The following ENO3 variants were observed in gnomAD, a reference collection of about 807,000 sequenced individuals.
ENO3 encodes enolase 3, also known as beta-enolase.
In ENO3, 46 loss-of-function variants were observed where a neutral mutation model predicts 47.7. The observed-to-expected ratio is 0.96, with a 90% confidence interval of 0.76 to 1.23. The LOEUF is 1.23. ENO3 is among the 50% of genes most tolerant of loss of function. The probability of loss-of-function intolerance (pLI) is 0.00; values close to 1 mark genes in which losing one functional copy is unlikely to be tolerated. For missense variants in ENO3, 575 were observed against 566.2 expected (o/e 1.02, Z -0.16); for synonymous variants, 223 against 225.9 (o/e 0.99, Z 0.11).
chr17:4,953,130 G>A (rs749942573), intron 4 of ENO3, 21 bp downstream of exon 4: 41 of 1,614,020 alleles, frequency 2.5e-5, no homozygotes, highest in Non-Finnish European at 3.3e-5. Flanking sequence ...AAGCCCGCTC[G>A]CTGCAGCCTC....
At chr17:4,955,699 C>A in intron 8 of ENO3, 95 bp downstream of exon 8, 1 of 1,543,372 alleles carries the variant, frequency 6.5e-7, no homozygotes, top group Non-Finnish European at 9.0e-7. Flanking sequence ...CGACTTGGAT[C>A]CTTCCAATTC....
At position 4,954,956 on chromosome 17, in the gene ENO3, C is replaced by T. The variant is rs1263327715; in HGVS notation, c.445-119C>T. ...GAGGCTCTTGAGCAAAACTACTCAT[C>T]CTAGACCACTGAGCTAGTAAGTAGG... On this transcript the variant is annotated intron_variant, in intron 6 of 11. Coordinates refer to ENST00000519602, the MANE Select transcript of ENO3 (RefSeq NM_053013.4). 1.1e-5 allele frequency: 9 copies of T among 813,298 alleles called. No individual in the cohort carries two copies. In the Admixed American group the frequency reaches 1.6e-4, roughly 15 times the overall value. 50.4% of individuals were successfully genotyped at this position (813,298 alleles called of 1,614,324 possible).
chr17:4,951,215 G>A lies in ENO3; in HGVS notation c.-3+33G>A, dbSNP rs1971530577. On this transcript the variant is annotated intron_variant, in intron 1 of 11. Coordinates refer to ENST00000519602, the MANE Select transcript of ENO3 (RefSeq NM_053013.4). ...GAATCTTCCAGCCCTGGGGGTGGAG[G>A]TAGTAAAGGGTGAGCATGGTATTGG... 6.0e-6 allele frequency: 6 copies of A among 992,378 alleles called. No individual in the cohort carries two copies. In the South Asian group the frequency reaches 1.8e-4, roughly 30 times the overall value. The allele number at this position is 992,378 out of a possible 1,614,324, so 61.5% of individuals were successfully genotyped here. A position where few individuals can be genotyped will look rare whatever the true frequency, so the allele number is the denominator to read the frequency against.
intron 8 of ENO3, 22 bp downstream of exon 8, chr17:4,955,626 G>T: frequency 1.2e-6 from 2 of 1,614,148 alleles, no homozygotes; most frequent in South Asian, 1.1e-5. Context: ...GGGTGTCCCA[G>T]TGTTCCTGCC....
At chr17:4,954,991 T>C in intron 6 of ENO3, 84 bp from the exon 7 acceptor site, 1 of 1,317,294 alleles carries the variant, frequency 7.6e-7, no homozygotes, top group Non-Finnish European at 1.1e-6. Context: ...GGAAGCCAGG[T>C]TTCCACCCCA....
rs202030238 is a variant in ENO3 at position 4,953,813 on chromosome 17, G to C, written c.412G>C (p.Ala138Pro). 5.6e-6 allele frequency: 9 copies of C among 1,614,024 alleles called. No individual in the cohort carries two copies. Among genetic ancestry groups the C allele is most frequent in the Admixed American group, 5.0e-5 (3 of 60,004 alleles). Residue 138 changes from alanine (A) to proline (P), a missense_variant, in exon 6 of 12, where the codon GCT (alanine) becomes CCT (proline). Transcript: ENST00000519602. ...VPLYRHIADL[A>P]GNPDLILPVP... The stretch of plus-strand genomic sequence containing the variant: ...CCTGTACCGCCACATCGCAGATCTC[G>C]CTGGGAACCCTGACCTCATACTCCC...
chr17:4,948,959 G>A (rs984844132), upstream of ENO3: 1 of 152,058 alleles, frequency 6.6e-6, no homozygotes, highest in South Asian at 2.1e-4. Flanking sequence ...CCGAAGGGAA[G>A]GACCGGCGGG....
intron 2 of ENO3, among the ~76,000 whole-genome samples, chr17:4,952,574 T>C (rs750359505): frequency 2.6e-5 from 4 of 152,094 alleles, no homozygotes; most frequent in East Asian, 3.9e-4. Flanking sequence ...CCGCCCGCCT[T>C]GGCCTCCCAA....
chr17:4,950,399 A>G (rs2151137931), upstream of ENO3: 1 of 207,272 alleles, frequency 4.8e-6, no homozygotes, highest in South Asian at 1.7e-4. Flanking sequence ...CCATTCATTG[A>G]TGGGCTGGGG....
Position 4,952,808 on chromosome 17 carries a change from A to C in ENO3, c.99A>C (p.Ala33=), listed in dbSNP as rs1597698131. ...DLHTAKGRFR[A]AVPSGASTGI... is the part of the protein sequence containing the mutation. Reference sequence around the variant, plus strand: ...CTCCTGTCCCAGGCCGATTCCGAGCAGCTGTGCCCAGTGGGGCTTCCACGG... The same window carrying C: ...CTCCTGTCCCAGGCCGATTCCGAGCCGCTGTGCCCAGTGGGGCTTCCACGG... Residue 33 remains alanine, a synonymous_variant, in exon 3 of 12, where the codon GCA becomes GCC. Transcript: ENST00000519602. 1.9e-6 allele frequency: 3 copies of C among 1,610,846 alleles called. No homozygotes were observed. The East Asian group carries it at 6.7e-5, about 36-fold the overall frequency.
intron 9 of ENO3, 141 bp downstream of exon 9, chr17:4,956,284 T>C: frequency 9.3e-7 from 1 of 1,073,128 alleles, no homozygotes; most frequent in Non-Finnish European, 1.4e-6. Flanking sequence ...CTCAAGACTT[T>C]GTTTGACTAA....
At position 4,957,100 on chromosome 17, in the gene ENO3, C is replaced by T; in HGVS notation, c.*53C>T. 6.2e-7 allele frequency: 1 copy of T among 1,603,290 alleles called. No homozygotes were observed. Among genetic ancestry groups the T allele is most frequent in the Non-Finnish European group, 8.5e-7 (1 of 1,171,474 alleles). ...GACAGACCCAGGTCTTCCAGACCTG[C>T]TTCCTGAAATAAACACTGGTGCCAA... is the stretch of plus-strand genomic sequence containing the variant. On this transcript the variant is annotated 3_prime_UTR_variant, in exon 12 of 12. Transcript: ENST00000519602.
At chr17:4,951,631 G>C in intron 1 of ENO3, 197 bp from the exon 2 acceptor site, 1 of 616,944 alleles carries the variant, frequency 1.6e-6, no homozygotes, top group Admixed American at 2.4e-5. Flanking sequence ...GGATTCTTAG[G>C]ATGGGAGGGT....
chr17:4,953,785 CCCCCTGTACCG>C lies in ENO3; in HGVS notation c.387_397del (p.Leu130HisfsTer9). On this transcript the variant is annotated frameshift_variant, in exon 6 of 12. Coordinates refer to ENST00000519602, the MANE Select transcript of ENO3 (RefSeq NM_053013.4). LOFTEE classifies it high-confidence loss of function. ...AGGCGGGAGCAGCTGAGAAGGGGGT[CCCCCTGTACCG>C]CCACATCGCAGATCTCGCTGGGAAC... is the stretch of plus-strand genomic sequence containing the variant. The C allele has an allele frequency of 6.2e-7, 1 of 1,614,190 alleles. No homozygotes were observed. Among genetic ancestry groups the C allele is most frequent in the East Asian group, 2.2e-5 (1 of 44,884 alleles).
intron 9 of ENO3, 190 bp from the exon 10 acceptor site, chr17:4,956,383 T>G: frequency 1.4e-6 from 1 of 738,494 alleles, no homozygotes; most frequent in Non-Finnish European, 2.3e-6. Context: ...CAGATTCCGC[T>G]GTTCTCAGCA....
Position 4,953,821 on chromosome 17 carries a change from C to G in ENO3, c.420C>G (p.Asn140Lys). 2 of 1,614,180 alleles carry G rather than the reference C, an allele frequency of 1.2e-6. No homozygotes were observed. The change falls in exon 6 of 12, where the codon AAC becomes AAG. Residue 140 changes from asparagine (N) to lysine (K), a missense_variant. By Grantham distance (94) the Asn-to-Lys change is moderately conservative. Coordinates refer to ENST00000519602, the MANE Select transcript of ENO3 (RefSeq NM_053013.4). ...LYRHIADLAGNPDLILPVPAF... is the reference protein window; with the variant it reads ...LYRHIADLAGKPDLILPVPAF... ...GCCACATCGCAGATCTCGCTGGGAA[C>G]CCTGACCTCATACTCCCAGTGCCAG...
At chr17:4,955,355 GCTGCAGACAAGGGGCACTGGAGT>G in intron 7 of ENO3, 29 bp from the exon 8 acceptor site, 1 of 1,614,086 alleles carries the variant, frequency 6.2e-7, no homozygotes, top group Non-Finnish European at 8.5e-7. Context: ...GGCAGGGGAG[GCTGCAGACAAGGGGCACTGGAGT>G]CTCAGGTCCT....
At chr17:4,954,018 A>C in intron 6 of ENO3, 173 bp downstream of exon 6, 4 of 992,644 alleles carry the variant, frequency 4.0e-6, no homozygotes, top group Non-Finnish European at 6.0e-6. Context: ...CACAATCCAA[A>C]CCTTCCCTGA....
upstream of ENO3, among the ~76,000 whole-genome samples, chr17:4,950,822 A>G (rs930837395): frequency 6.6e-6 from 1 of 152,038 alleles, no homozygotes; most frequent in Non-Finnish European, 1.5e-5. Context: ...TGACGTTTGC[A>G]AAAGGGGAAT....
Sources: allele counts gnomAD v4.1 joint callset (sites outside exome capture counted in the v4.1 genomes callset), GRCh38; gene constraint gnomAD v4.1.1; transcripts MANE v1.5; gene names NCBI Gene and HGNC (gene_info 2026-07-23, HGNC 2026-07-21).